The following CHP1 variants were observed in gnomAD, a reference collection of about 807,000 sequenced individuals.
CHP1 encodes calcineurin like EF-hand protein 1.
In CHP1, 11 loss-of-function variants were observed where a neutral mutation model predicts 27.4. The observed-to-expected ratio is 0.40, with a 90% CI of 0.25 to 0.67. The LOEUF is 0.67. CHP1 is among the 30% of genes least tolerant of loss of function. CHP1 has a pLI of 0.38. For synonymous variants in CHP1, 89 were observed against 87.4 expected (o/e 1.02, Z -0.10); for missense variants, 169 against 251.3 (o/e 0.67, Z 2.22).
chr15:41,255,868 C>T (rs2047397998), intron 2 of CHP1, among the ~76,000 whole-genome samples: 1 of 151,914 alleles, frequency 6.6e-6, no homozygotes, highest in African/African-American at 2.4e-5. Flanking sequence ...GTACAAAAAA[C>T]TAGCCAGGCG....
chr15:41,270,255 A>G (rs2047481785), intron 4 of CHP1, among the ~76,000 whole-genome samples: 1 of 151,352 alleles, frequency 6.6e-6, no homozygotes, highest in Non-Finnish European at 1.5e-5. Context: ...AGAACCACGT[A>G]AGGAGTGTTT....
intron 5 of CHP1, chr15:41,272,091 T>A (rs2047492441): frequency 6.6e-6 from 1 of 152,188 alleles, no homozygotes; most frequent in South Asian, 2.1e-4. Flanking sequence ...TTATCTTGAT[T>A]GTGAGGATGG....
In CHP1 at chr15:41,278,861, G is replaced by T; in HGVS notation, c.506G>T (p.Ser169Ile). The T allele has an allele frequency of 6.2e-7, 1 of 1,614,196 alleles. No homozygotes were observed. ...TIQEADQDGD[S>I]AISFTEFVKV... The stretch of plus-strand genomic sequence containing the variant: ...CAGGAGGCTGATCAGGATGGGGACA[G>T]TGCCATATCTTTCACAGAATTTGTT... The change falls in exon 6 of 7, where the codon AGT (serine) becomes ATT (isoleucine). Residue 169 changes from serine (S) to isoleucine (I), a missense_variant. By Grantham distance (142) the Ser-to-Ile change is moderately radical. Transcript: ENST00000334660.
intron 4 of CHP1, among the ~76,000 whole-genome samples, chr15:41,267,451 C>T (rs1022136165): frequency 1.3e-5 from 2 of 151,776 alleles, no homozygotes; most frequent in Admixed American, 6.6e-5. Flanking sequence ...TGCTTGAGGT[C>T]AGGAGTTTGA....
chr15:41,260,664 G>A (rs907416902), intron 3 of CHP1, among the ~76,000 whole-genome samples: 1 of 151,860 alleles, frequency 6.6e-6, no homozygotes, highest in South Asian at 2.1e-4. Context: ...TGAAGTGCTG[G>A]GATTATAGAC....
At chr15:41,232,430 C>T (rs1463408611) in intron 1 of CHP1, among the ~76,000 whole-genome samples, 1 of 151,798 alleles carries the variant, frequency 6.6e-6, no homozygotes, top group East Asian at 1.9e-4. Context: ...CGGCTGGCCT[C>T]GAACTCCTGA....
At position 41,243,739 on chromosome 15, in the gene CHP1, G is replaced by A; in HGVS notation, c.140G>A (p.Ser47Asn). 1 of 1,613,762 alleles carries A rather than the reference G, an allele frequency of 6.2e-7. No individual in the cohort carries two copies. The highest frequency in any genetic ancestry group is 8.5e-7 in the Non-Finnish European group (1 of 1,179,710). ...GACAAAGGAGAGAATGGGACTCTCA[G>A]GTAGGCAGTGTTTTTCTTTATTTTC... ...SLDKGENGTLSREDFQRIPEL... is the reference protein window; with the variant it reads ...SLDKGENGTLNREDFQRIPEL... The change falls in exon 2 of 7, where the codon AGC becomes AAC. Residue 47 changes from serine (S) to asparagine (N), a missense_variant and splice_region_variant. Coordinates refer to ENST00000334660, the MANE Select transcript of CHP1 (RefSeq NM_007236.5).
At chr15:41,269,416 T>C (rs2047477886) in intron 4 of CHP1, among the ~76,000 whole-genome samples, 1 of 152,184 alleles carries the variant, frequency 6.6e-6, no homozygotes, top group Non-Finnish European at 1.5e-5. Flanking sequence ...AACCTGTAGA[T>C]ATTAATCCAT....
intron 5 of CHP1, among the ~76,000 whole-genome samples, chr15:41,277,262 A>G (rs7167168): frequency 0.051 from 7,795 of 152,258 alleles, 530 homozygotes; most frequent in African/African-American, 0.15. Flanking sequence ...GGTGTGGCCT[A>G]TTGTTCCTAG....
intron 5 of CHP1, 107 bp from the exon 6 acceptor site, chr15:41,278,660 G>A (rs2047531226): frequency 7.4e-7 from 1 of 1,355,912 alleles, no homozygotes; most frequent in Admixed American, 2.0e-5. Flanking sequence ...GACTGTATTT[G>A]AGGGCATCAA....
chr15:41,254,318 TAAA>T (rs2047387168), intron 2 of CHP1, among the ~76,000 whole-genome samples: 3 of 152,220 alleles, frequency 2.0e-5, no homozygotes. Context: ...TTTTCTCAGC[TAAA>T]GTTTCTTAAG....
chr15:41,248,727 A>T (rs900793167), intron 2 of CHP1, among the ~76,000 whole-genome samples: 1 of 152,212 alleles, frequency 6.6e-6, no homozygotes, highest in Non-Finnish European at 1.5e-5. Context: ...CAGCCTGAGC[A>T]ACATAGTGAA....
Position 41,279,495 on chromosome 15 carries a change from A to T in CHP1, c.*106A>T. ...CCCCTCATTCCCCTTCTCCCAAAGT[A>T]CTACTGCTGTTGCATGACAACCCCA... On this transcript the variant is annotated 3_prime_UTR_variant, in exon 7 of 7. Transcript: ENST00000334660. 1.1e-6 allele frequency: 1 copy of T among 925,428 alleles called. No homozygotes were observed. Among genetic ancestry groups the T allele is most frequent in the Non-Finnish European group, 1.7e-6 (1 of 583,328 alleles). 57.3% of individuals were successfully genotyped at this position (925,428 alleles called of 1,614,324 possible).
intron 4 of CHP1, among the ~76,000 whole-genome samples, chr15:41,270,277 G>A (rs1037742669): frequency 5.3e-5 from 8 of 151,884 alleles, no homozygotes; most frequent in Middle Eastern, 3.4e-3. Flanking sequence ...GGGGGGGGGC[G>A]TTTAACATTC....
At chr15:41,265,313 G>A (rs1187331973) in intron 4 of CHP1, among the ~76,000 whole-genome samples, 5 of 132,128 alleles carry the variant, frequency 3.8e-5, no homozygotes, top group African/African-American at 1.4e-4. Flanking sequence ...ACAGTGAGCC[G>A]AGATCATGCC....
At chr15:41,246,760 C>T (rs1024100719) in intron 2 of CHP1, among the ~76,000 whole-genome samples, 8 of 146,616 alleles carry the variant, frequency 5.5e-5, no homozygotes, top group African/African-American at 2.0e-4. Context: ...AAAAAATTAG[C>T]TGGGCGTGGT....
intron 5 of CHP1, among the ~76,000 whole-genome samples, chr15:41,273,772 C>T (rs2047503948): frequency 6.6e-6 from 1 of 151,200 alleles, no homozygotes; most frequent in Non-Finnish European, 1.5e-5. Context: ...TAAACCCTCA[C>T]CAAACATTAA....
chr15:41,254,815 A>G (rs2047390393), intron 2 of CHP1, among the ~76,000 whole-genome samples: 1 of 152,234 alleles, frequency 6.6e-6, no homozygotes, highest in East Asian at 1.9e-4. Flanking sequence ...GTATTTTATT[A>G]TCTTCCGTCT....
intron 2 of CHP1, among the ~76,000 whole-genome samples, chr15:41,249,052 T>A (rs2140928733): frequency 6.6e-6 from 1 of 152,304 alleles, no homozygotes; most frequent in Admixed American, 6.5e-5. Context: ...AATGATCCAG[T>A]TCTCTCCAGC....
Sources: allele counts gnomAD v4.1 joint callset (sites outside exome capture counted in the v4.1 genomes callset), GRCh38; gene constraint gnomAD v4.1.1; transcripts MANE v1.5; gene names NCBI Gene and HGNC (gene_info 2026-07-23, HGNC 2026-07-21).